NALF1: variants seen among roughly 807,000 people sequenced by gnomAD.
The protein encoded by NALF1 is family with sequence similarity 155 member A.
A neutral mutation model predicts 48.4 loss-of-function variants in NALF1; 3 were observed. That is an observed-to-expected ratio of 0.06 (90% confidence interval 0.03 to 0.16). The LOEUF is 0.16. NALF1 is among the 10% of genes least tolerant of loss of function. The probability of loss-of-function intolerance (pLI) is 1.00; values close to 1 mark genes in which losing one functional copy is unlikely to be tolerated. For synonymous variants in NALF1, 262 were observed against 245.7 expected (o/e 1.07, Z -0.62); for missense variants, 526 against 571.5 (o/e 0.92, Z 0.81).
At chr13:107,817,843 G>T (rs1176413427) in intron 1 of NALF1, among the ~76,000 whole-genome samples, 1 of 95,444 alleles carries the variant, frequency 1.0e-5, no homozygotes, top group Non-Finnish European at 2.4e-5. Context: ...TTGCAATCTG[G>T]CTTCCATTTG....
At chr13:107,457,360 T>G (rs546918290) in intron 1 of NALF1, among the ~76,000 whole-genome samples, 1 of 152,328 alleles carries the variant, frequency 6.6e-6, no homozygotes, top group Non-Finnish European at 1.5e-5. Flanking sequence ...TCAGATTACC[T>G]ATGAATGTAA....
intron 1 of NALF1, among the ~76,000 whole-genome samples, chr13:107,272,882 G>T (rs536976238): frequency 6.6e-6 from 1 of 152,124 alleles, no homozygotes; most frequent in African/African-American, 2.4e-5. Context: ...ACACATATAC[G>T]TGTATAAACT....
chr13:107,323,526 G>A lies in NALF1; in HGVS notation c.916-112771C>T, dbSNP rs116792233. Reference sequence around the variant, plus strand: ...TTTCTCTATTTTTTTCTCATATAGCGCTTTTTAAAAACACAAATCTGATCA... The same window carrying A: ...TTTCTCTATTTTTTTCTCATATAGCACTTTTTAAAAACACAAATCTGATCA... On this transcript the variant is annotated intron_variant, in intron 1 of 2. Transcript: ENST00000375915. 4.3e-3 allele frequency among the ~76,000 whole-genome samples: 645 copies of A among 151,558 alleles called. 8 individuals carry two copies. Among genetic ancestry groups the A allele is most frequent in the African/African-American group, 0.015 (612 of 41,286 alleles).
chr13:107,541,190 T>C (rs1876989098), intron 1 of NALF1, among the ~76,000 whole-genome samples: 1 of 152,126 alleles, frequency 6.6e-6, no homozygotes, highest in African/African-American at 2.4e-5. Context: ...CTTGGATCGT[T>C]ACATGTCTGT....
At chr13:107,358,158 T>G (rs2138951887) in intron 1 of NALF1, among the ~76,000 whole-genome samples, 1 of 142,920 alleles carries the variant, frequency 7.0e-6, no homozygotes. Flanking sequence ...CTATTTTATA[T>G]ACGTAACATA....
At chr13:107,256,966 G>C (rs1415241095) in intron 1 of NALF1, among the ~76,000 whole-genome samples, 1 of 152,180 alleles carries the variant, frequency 6.6e-6, no homozygotes, top group Non-Finnish European at 1.5e-5. Flanking sequence ...CCTGAGACTA[G>C]GGAATTTATC....
intron 1 of NALF1, among the ~76,000 whole-genome samples, chr13:107,820,166 T>C (rs1055645143): frequency 3.3e-5 from 5 of 152,200 alleles, no homozygotes; most frequent in African/African-American, 9.7e-5. Context: ...CTGTTTATTG[T>C]CTATATCATT....
intron 1 of NALF1, among the ~76,000 whole-genome samples, chr13:107,692,255 G>A (rs1270036585): frequency 2.0e-5 from 3 of 152,122 alleles, no homozygotes; most frequent in Non-Finnish European, 4.4e-5. Context: ...AGAATGGGTT[G>A]CAATTAATGC....
chr13:107,655,212 G>T (rs1367894895), intron 1 of NALF1, among the ~76,000 whole-genome samples: 1 of 151,940 alleles, frequency 6.6e-6, no homozygotes, highest in Non-Finnish European at 1.5e-5. Context: ...TCAAACTGTC[G>T]CTCTTTGCTG....
chr13:107,687,169 C>T (rs979375828), intron 1 of NALF1, among the ~76,000 whole-genome samples: 2 of 152,076 alleles, frequency 1.3e-5, no homozygotes, highest in African/African-American at 4.8e-5. Flanking sequence ...CAGCTAGAGG[C>T]CATTTTCCTA....
intron 1 of NALF1, among the ~76,000 whole-genome samples, chr13:107,786,378 T>G (rs990273144): frequency 2.3e-5 from 3 of 130,258 alleles, no homozygotes; most frequent in Non-Finnish European, 3.1e-5. Flanking sequence ...ATCGCACCAT[T>G]GCACTCCAGC....
chr13:107,529,689 A>G (rs1876563024), intron 1 of NALF1, among the ~76,000 whole-genome samples: 1 of 152,110 alleles, frequency 6.6e-6, no homozygotes, highest in African/African-American at 2.4e-5. Flanking sequence ...GTGTGTGATG[A>G]TTGGAAGATG....
chr13:107,384,446 G>A (rs997046612), intron 1 of NALF1, among the ~76,000 whole-genome samples: 2 of 152,074 alleles, frequency 1.3e-5, no homozygotes, highest in Non-Finnish European at 2.9e-5. Context: ...TTTCAAACAA[G>A]CAAATTACTC....
intron 1 of NALF1, among the ~76,000 whole-genome samples, chr13:107,295,031 G>T (rs1328868444): frequency 6.6e-6 from 1 of 151,828 alleles, no homozygotes; most frequent in East Asian, 1.9e-4. Flanking sequence ...GGGTGCATGT[G>T]CAAGTGTGTT....
At chr13:107,200,274 T>C (rs1178981492) in intron 2 of NALF1, among the ~76,000 whole-genome samples, 3 of 152,150 alleles carry the variant, frequency 2.0e-5, no homozygotes, top group African/African-American at 7.2e-5. Context: ...GAGGAAGCTT[T>C]GACAGACGGG....
At chr13:107,776,886 T>C (rs1310655827) in intron 1 of NALF1, among the ~76,000 whole-genome samples, 1 of 152,064 alleles carries the variant, frequency 6.6e-6, no homozygotes, top group African/African-American at 2.4e-5. Flanking sequence ...AGACCAGGAA[T>C]TTAAGACCAG....
chr13:107,686,912 A>C (rs1006202357), intron 1 of NALF1, among the ~76,000 whole-genome samples: 2 of 152,216 alleles, frequency 1.3e-5, no homozygotes, highest in South Asian at 4.1e-4. Context: ...AGAACTAAAA[A>C]TAGATCTACC....
Position 107,170,429 on chromosome 13 carries a change from T to C in NALF1, c.*68A>G. 6.7e-7 allele frequency: 1 copy of C among 1,496,174 alleles called. No homozygotes were observed. The highest frequency in any genetic ancestry group is 1.8e-5 in the Admixed American group (1 of 54,228). The allele number at this position is 1,496,174 out of a possible 1,614,324, so 92.7% of individuals were successfully genotyped here. A position where few individuals can be genotyped will look rare whatever the true frequency, so the allele number is the denominator to read the frequency against. On this transcript the variant is annotated 3_prime_UTR_variant, in exon 3 of 3. Transcript: ENST00000375915. The stretch of plus-strand genomic sequence containing the variant: ...GAGGGTAAAAGCACCCAGTTTCTGT[T>C]ACATGAGACAGCAGTTGCCATTTTT...
chr13:107,737,317 A>C (rs1399413424), intron 1 of NALF1, among the ~76,000 whole-genome samples: 1 of 152,168 alleles, frequency 6.6e-6, no homozygotes, highest in East Asian at 1.9e-4. Context: ...AGTGATGAAT[A>C]TTTATAAGCT....
Sources: gnomAD v4.1 joint callset for allele counts (sites outside exome capture counted in the v4.1 genomes callset) on GRCh38, gnomAD v4.1.1 for gene constraint, MANE v1.5 for transcripts, NCBI Gene and HGNC (gene_info 2026-07-23, HGNC 2026-07-21) for gene names.